The following NRXN3 variants were observed in gnomAD, a reference collection of about 807,000 sequenced individuals.
NRXN3 encodes neurexin III.
Under a neutral mutation model 137.6 loss-of-function variants are expected in NRXN3, and 32 were observed. The observed-to-expected ratio is 0.23, with a 90% CI of 0.18 to 0.31. The LOEUF (loss-of-function observed/expected upper bound fraction) is 0.31. NRXN3 is among the 10% of genes least tolerant of loss of function. NRXN3 has a pLI of 1.00. For missense variants in NRXN3, 1,574 were observed against 2,062.5 expected (o/e 0.76, Z 4.59); for synonymous variants, 798 against 784.5 (o/e 1.02, Z -0.29).
At chr14:78,743,255 G>T (rs2098589536) in intron 8 of NRXN3, among the ~76,000 whole-genome samples, 1 of 152,108 alleles carries the variant, frequency 6.6e-6, no homozygotes, top group Non-Finnish European at 1.5e-5. Context: ...AGTAGTTATT[G>T]CTGACATGGG....
At chr14:78,801,024 C>G (rs1293976819) in intron 8 of NRXN3, among the ~76,000 whole-genome samples, 1 of 152,126 alleles carries the variant, frequency 6.6e-6, no homozygotes, top group Non-Finnish European at 1.5e-5. Flanking sequence ...TCACACCGCT[C>G]TAAAGAAATA....
intron 16 of NRXN3, among the ~76,000 whole-genome samples, chr14:79,648,129 G>T: frequency 7.4e-6 from 1 of 134,914 alleles, no homozygotes; most frequent in Admixed American, 7.9e-5. Flanking sequence ...GGTTCAGAGA[G>T]GTTGCTACTT....
chr14:79,764,590 GTTTTC>G (rs757930176), intron 19 of NRXN3, among the ~76,000 whole-genome samples: 1 of 151,908 alleles, frequency 6.6e-6, no homozygotes, highest in African/African-American at 2.4e-5. Context: ...AAACCGTGCT[GTTTTC>G]TTTCTTTTCT....
intron 4 of NRXN3, among the ~76,000 whole-genome samples, chr14:78,625,031 G>C (rs1444080266): frequency 6.6e-6 from 1 of 151,996 alleles, no homozygotes; most frequent in African/African-American, 2.4e-5. Context: ...TAGTAGAGAC[G>C]GGGTTTCACC....
chr14:79,751,550 G>A, intron 19 of NRXN3, among the ~76,000 whole-genome samples: 1 of 151,908 alleles, frequency 6.6e-6, no homozygotes. Flanking sequence ...TTTCCTAATT[G>A]AATACCCTTT....
At chr14:79,672,357 C>T (rs548359116) in intron 17 of NRXN3, among the ~76,000 whole-genome samples, 1 of 152,032 alleles carries the variant, frequency 6.6e-6, no homozygotes, top group South Asian at 2.1e-4. Flanking sequence ...TACAATGTAA[C>T]CAGGGATGTA....
At position 79,193,948 on chromosome 14, in the gene NRXN3, T is replaced by A. The variant is rs573836687; in HGVS notation, c.3262+205807T>A. The stretch of plus-strand genomic sequence containing the variant: ...GCAGATATGATCAGTTCAACCCAGA[T>A]GAGACAATCCTATAAATGTAATAAT... On this transcript the variant is annotated intron_variant, in intron 15 of 20. Transcript: ENST00000335750. Among the ~76,000 whole-genome samples the A allele has an allele frequency of 3.3e-5, 5 of 152,336 alleles. 1 individual carries two copies. In the South Asian group the frequency reaches 8.3e-4, roughly 25 times the overall value.
intron 15 of NRXN3, among the ~76,000 whole-genome samples, chr14:79,377,333 T>A (rs2094332376): frequency 6.6e-6 from 1 of 152,204 alleles, no homozygotes; most frequent in African/African-American, 2.4e-5. Context: ...CTGGTAATGA[T>A]TGGAGCCTCT....
At chr14:79,462,262 A>G (rs981354939) in intron 15 of NRXN3, among the ~76,000 whole-genome samples, 1 of 151,948 alleles carries the variant, frequency 6.6e-6, no homozygotes, top group Non-Finnish European at 1.5e-5. Context: ...AATCCCAGCT[A>G]CTTGGGAGGC....
chr14:79,264,388 C>G (rs1019710273), intron 15 of NRXN3, among the ~76,000 whole-genome samples: 1 of 152,186 alleles, frequency 6.6e-6, no homozygotes, highest in South Asian at 2.1e-4. Flanking sequence ...CATGTCCGGC[C>G]AACAATAGGA....
intron 15 of NRXN3, among the ~76,000 whole-genome samples, chr14:79,434,714 G>A (rs2095816316): frequency 6.6e-6 from 1 of 152,186 alleles, no homozygotes; most frequent in African/African-American, 2.4e-5. Context: ...GGTCCCCTGT[G>A]AAACAGTTTC....
At chr14:79,036,032 C>T (rs528789916) in intron 15 of NRXN3, among the ~76,000 whole-genome samples, 3 of 152,114 alleles carry the variant, frequency 2.0e-5, no homozygotes, top group Non-Finnish European at 2.9e-5. Flanking sequence ...TTGATGCTGT[C>T]ACTTTCTTCT....
At chr14:79,565,325 GTATA>G (rs780709527) in intron 16 of NRXN3, among the ~76,000 whole-genome samples, 87 of 139,550 alleles carry the variant, frequency 6.2e-4, no homozygotes, top group Non-Finnish European at 1.2e-3. Context: ...ACATGTGTGT[GTATA>G]TATATATACA....
chr14:79,145,351 A>G (rs748183762), intron 15 of NRXN3, among the ~76,000 whole-genome samples: 1 of 152,154 alleles, frequency 6.6e-6, no homozygotes, highest in Non-Finnish European at 1.5e-5. Context: ...AAGACTTCAG[A>G]CCTAACTTTA....
In NRXN3 at chr14:79,663,844, A is replaced by C; in HGVS notation, c.3511A>C (p.Thr1171Pro). 1 of 1,613,422 alleles carries C rather than the reference A, an allele frequency of 6.2e-7. No individual in the cohort carries two copies. Among genetic ancestry groups the C allele is most frequent in the Non-Finnish European group, 8.5e-7 (1 of 1,179,642 alleles). The part of the protein sequence containing the change: ...TVDISIKEER[T>P]PVNDGKYHVV... ...TGACATCTCCATCAAAGAGGAGAGA[A>C]CCCCTGTAAATGACGGCAAATACCA... The change falls in exon 17 of 21, where the codon ACC (threonine) becomes CCC (proline). Residue 1171 changes from threonine to proline, a missense_variant. By Grantham distance (38) the Thr-to-Pro change is conservative. This residue lies in a region of NRXN3 where 133 missense variants were observed against 241.8 expected (regional missense o/e 0.55). Transcript: ENST00000335750.
intron 8 of NRXN3, among the ~76,000 whole-genome samples, chr14:78,783,904 C>T (rs757103813): frequency 3.9e-5 from 6 of 151,940 alleles, no homozygotes; most frequent in East Asian, 1.9e-4. Flanking sequence ...ATAGAGAAGA[C>T]GATGCTCAAA....
intron 15 of NRXN3, among the ~76,000 whole-genome samples, chr14:79,020,451 G>A (rs1195903292): frequency 1.4e-5 from 2 of 145,856 alleles, no homozygotes; most frequent in Non-Finnish European, 3.0e-5. Context: ...TTTTAATAGA[G>A]ATGGGGTTTC....
chr14:78,591,800 A>G lies in NRXN3; in HGVS notation c.758-53320A>G, dbSNP rs188360190. ...TTTATGTCATTTGAAAGACAAGGGT[A>G]GAAGAGACAGCAGTTCAGTGACAGT... On this transcript the variant is annotated intron_variant, in intron 4 of 20. Transcript: ENST00000335750. 4.5e-4 allele frequency among the ~76,000 whole-genome samples: 68 copies of G among 152,366 alleles called. 1 individual carries two copies. The highest frequency in any genetic ancestry group is 1.6e-3 in the African/African-American group (66 of 41,580).
intron 16 of NRXN3, among the ~76,000 whole-genome samples, chr14:79,476,897 T>C (rs1229681596): frequency 6.6e-6 from 1 of 152,126 alleles, no homozygotes; most frequent in Non-Finnish European, 1.5e-5. Flanking sequence ...TAATTACTAT[T>C]ACACCCCTAA....
Sources: allele counts gnomAD v4.1 joint callset (sites outside exome capture counted in the v4.1 genomes callset), GRCh38; gene constraint gnomAD v4.1.1; regional missense constraint gnomAD v4.1.1; transcripts MANE v1.5; gene names NCBI Gene and HGNC (gene_info 2026-07-23, HGNC 2026-07-21).